Variants in ERAP1 observed in about 807,000 individuals in gnomAD.
ERAP1 encodes adipocyte-derived leucine aminopeptidase.
In ERAP1, 86 loss-of-function variants were observed where a neutral mutation model predicts 103.7. The ratio of observed to expected loss-of-function variants is 0.83; its 90% confidence interval spans 0.70 to 0.99. The LOEUF is 0.99. Among genes scored for constraint, ERAP1 ranks in the 50% least tolerant of loss-of-function variants. The probability of loss-of-function intolerance (pLI) is 0.00; values close to 1 mark genes in which losing one functional copy is unlikely to be tolerated. For missense variants in ERAP1, 1,009 were observed against 1,128.4 expected, an observed-to-expected ratio of 0.89 and a Z score of 1.52; for synonymous variants, 398 against 402.4, an observed-to-expected ratio of 0.99 and a Z score of 0.13.
chr5:96,841,730 T>A, the ERAP1 span, among the ~76,000 whole-genome samples: 14 of 142,910 alleles, frequency 9.8e-5, no homozygotes, highest in African/African-American at 3.6e-4. Context: ...AACTTTAACA[T>A]CTTTTCTCTT....
chr5:96,803,270 TA>T, intron 2 of ERAP1, 132 bp downstream of exon 2: 1 of 866,840 alleles, frequency 1.2e-6, no homozygotes. Context: ...TTTAACACTA[TA>T]AAGAAGATGC....
the ERAP1 span, among the ~76,000 whole-genome samples, chr5:96,898,917 C>T: frequency 0.54 from 82,271 of 151,912 alleles, 22,344 homozygotes; most frequent in Admixed American, 0.59. Flanking sequence ...TCTCCCTTGC[C>T]ATGTGTGTGT....
the ERAP1 span, chr5:96,886,704 C>G: frequency 6.4e-6 from 10 of 1,552,464 alleles, no homozygotes; most frequent in Non-Finnish European, 7.9e-6. Flanking sequence ...CACTTTGAAA[C>G]TACTGTAAAA....
At position 96,792,163 on chromosome 5, in the gene ERAP1, G is replaced by C. The variant is rs145458413; in HGVS notation, c.1218C>G (p.Asp406Glu). 44 of 1,613,476 alleles carry C rather than the reference G, an allele frequency of 2.7e-5. 1 individual carries two copies. In the South Asian group the frequency reaches 4.8e-4, roughly 18 times the overall value. Residue 406 changes from aspartate to glutamate, a missense_variant, in exon 8 of 19, where the codon GAC (aspartate) becomes GAG (glutamate). Around this residue, in one of 3 missense-constraint regions of ERAP1, gnomAD observed 611 missense variants for 651.7 expected, o/e 0.94. Transcript: ENST00000443439. The part of the protein sequence containing the change: ...VGDYFFGKCF[D>E]AMEVDALNSS... Reference sequence around the variant, plus strand: ...AATTTAAAGCATCTACCTCCATTGCGTCAAAACATTTGCCAAAGAAATAAT... The same window carrying C: ...AATTTAAAGCATCTACCTCCATTGCCTCAAAACATTTGCCAAAGAAATAAT...
the ERAP1 span, chr5:96,873,168 G>T: frequency 2.8e-6 from 1 of 359,216 alleles, no homozygotes; most frequent in Non-Finnish European, 5.6e-6. Context: ...CAGCCTGGGT[G>T]ACAGAGTGAG....
At chr5:96,902,371 C>G in the ERAP1 span, 1 of 1,500,380 alleles carries the variant, frequency 6.7e-7, no homozygotes, top group Non-Finnish European at 9.3e-7. Context: ...ACTAATTAGC[C>G]AAACAGGTAT....
chr5:96,781,630 A>C, intron 16 of ERAP1, 63 bp downstream of exon 16: 1 of 1,605,784 alleles, frequency 6.2e-7, no homozygotes. Flanking sequence ...AATAGATGCC[A>C]GAATGATCTA....
Position 96,793,968 on chromosome 5 carries a change from A to G in ERAP1, c.920-11T>C. 1 of 1,613,842 alleles carries G rather than the reference A, an allele frequency of 6.2e-7. No individual in the cohort carries two copies. The highest frequency in any genetic ancestry group is 8.5e-7 in the Non-Finnish European group (1 of 1,179,744). ...GAATAGCAGCAAGATCTTGGGAAGG[A>G]AGTAATAAAATACATTACCAGTCTC... On this transcript the variant is annotated splice_polypyrimidine_tract_variant and intron_variant, in intron 5 of 18. Coordinates refer to ENST00000443439, the MANE Select transcript of ERAP1 (RefSeq NM_001040458.3).
rs1033158945 is a variant in ERAP1 at position 96,766,225 on chromosome 5, C to A, written c.2819-2997G>T. 9 of 810,182 alleles carry A rather than the reference C, an allele frequency of 1.1e-5. No homozygotes were observed. In the African/African-American group the frequency reaches 1.2e-4, roughly 11 times the overall value. 50.2% of individuals were successfully genotyped at this position (810,182 alleles called of 1,614,324 possible). ...AAACCTCCCTTGAAATAAATAGTAG[C>A]TATACTCCTTTACAATAGCATAAAA... On this transcript the variant is annotated intron_variant, in intron 19 of 19. Coordinates refer to the ERAP1 transcript ENST00000296754.
chr5:96,879,974 A>G, the ERAP1 span: 3 of 1,614,204 alleles, frequency 1.9e-6, no homozygotes, highest in Admixed American at 3.3e-5. Flanking sequence ...ATCTGAGAAG[A>G]TCGAAGTCTT....
intron 18 of ERAP1, among the ~76,000 whole-genome samples, chr5:96,778,194 C>T (rs1774633139): frequency 6.6e-6 from 1 of 152,182 alleles, no homozygotes; most frequent in Admixed American, 6.5e-5. Flanking sequence ...ACTGAGGATG[C>T]AGCAGTGAAT....
At chr5:96,859,099 ACACACACT>A in the ERAP1 span, among the ~76,000 whole-genome samples, 4 of 135,740 alleles carry the variant, frequency 2.9e-5, no homozygotes, top group African/African-American at 1.0e-4. Context: ...ACACACACAC[ACACACACT>A]GAACAACAGA....
chr5:96,928,001 G>A, the ERAP1 span, among the ~76,000 whole-genome samples: 4 of 152,198 alleles, frequency 2.6e-5, no homozygotes, highest in East Asian at 7.7e-4. Context: ...TGCTTCCCAG[G>A]TTCAAGTGAT....
At chr5:96,900,865 G>A in the ERAP1 span, among the ~76,000 whole-genome samples, 1 of 152,056 alleles carries the variant, frequency 6.6e-6, no homozygotes. Flanking sequence ...TTTCAGTAGA[G>A]ATGGGGTTTC....
Position 96,775,019 on chromosome 5 carries a change from GAGTC to G in ERAP1, c.*1373_*1376del, listed in dbSNP as rs1773879627. On this transcript the variant is annotated 3_prime_UTR_variant, in exon 19 of 19. Coordinates refer to ENST00000443439, the MANE Select transcript of ERAP1 (RefSeq NM_001040458.3). ...CAGGTGTGAGGATTTCCGCACCTTAGAGTCAGCGCAAAACACGCTGCAACTTGAA... is the reference window on the plus strand; with the variant it reads ...CAGGTGTGAGGATTTCCGCACCTTAGAGCGCAAAACACGCTGCAACTTGAA... The G allele has an allele frequency of 1.0e-6, 1 of 985,248 alleles. No individual in the cohort carries two copies. The highest frequency in any genetic ancestry group is 1.7e-5 in the African/African-American group (1 of 57,192). 61.0% of individuals were successfully genotyped at this position (985,248 alleles called of 1,614,324 possible).
chr5:96,787,481 G>T (rs1229994209), intron 11 of ERAP1, among the ~76,000 whole-genome samples: 9 of 152,076 alleles, frequency 5.9e-5, no homozygotes, highest in African/African-American at 1.7e-4. Context: ...GGCCAGGCTG[G>T]TCTCGAACTC....
chr5:96,775,135 G>T lies in ERAP1; in HGVS notation c.*1261C>A, dbSNP rs556630904. The T allele has an allele frequency of 1.0e-5, 10 of 985,458 alleles. No homozygotes were observed. The African/African-American group carries it at 1.0e-4, about 10-fold the overall frequency. The allele number at this position is 985,458 out of a possible 1,614,324, so 61.0% of individuals were successfully genotyped here. On this transcript the variant is annotated 3_prime_UTR_variant, in exon 19 of 19. Transcript: ENST00000443439. ...TAAGAAATAAAATCTAATTCTTAGGGTATTAACTGACTTGACTTGAACTCC... is the reference window on the plus strand; with the variant it reads ...TAAGAAATAAAATCTAATTCTTAGGTTATTAACTGACTTGACTTGAACTCC...
At chr5:96,896,211 C>A in the ERAP1 span, among the ~76,000 whole-genome samples, 26 of 151,946 alleles carry the variant, frequency 1.7e-4, no homozygotes, top group African/African-American at 6.3e-4. Context: ...AAGATGTATT[C>A]CCCTTTGGCC....
chr5:96,829,126 G>A, the ERAP1 span, among the ~76,000 whole-genome samples: 9 of 152,292 alleles, frequency 5.9e-5, no homozygotes, highest in African/African-American at 2.2e-4. Flanking sequence ...GATTATAGGC[G>A]TCAGCCATCA....
Sources: gnomAD v4.1 joint callset for allele counts (sites outside exome capture counted in the v4.1 genomes callset) on GRCh38, gnomAD v4.1.1 for gene constraint, gnomAD v4.1.1 regional missense constraint, MANE v1.5 for transcripts, NCBI Gene and HGNC (gene_info 2026-07-23, HGNC 2026-07-21) for gene names.